Variants in SLC13A3 observed in about 807,000 individuals in gnomAD.
SLC13A3 encodes solute carrier family 13 member 3.
A neutral mutation model predicts 59.0 loss-of-function variants in SLC13A3; 40 were observed. The observed-to-expected ratio is 0.68, with a 90% CI of 0.53 to 0.88. The LOEUF is 0.88. Among genes scored for constraint, SLC13A3 ranks in the 40% least tolerant of loss-of-function variants. The pLI is 0.00. For missense variants in SLC13A3, 699 were observed against 783.2 expected, an observed-to-expected ratio of 0.89 and a Z score of 1.28; for synonymous variants, 317 against 330.3, an observed-to-expected ratio of 0.96 and a Z score of 0.44.
At chr20:46,657,786 AACCAGGAGCAGGCAG>A in intron 1 of SLC13A3, among the ~76,000 whole-genome samples, 1 of 152,248 alleles carries the variant, frequency 6.6e-6, no homozygotes, top group South Asian at 2.1e-4. Context: ...GCAGAAGGCG[AACCAGGAGCAGGCAG>A]GTCACATGTC....
At chr20:46,655,778 T>C (rs13037923), upstream of SLC13A3, among the ~76,000 whole-genome samples, 53,770 of 142,850 alleles carry the variant, frequency 0.38, 12,593 homozygotes, top group Non-Finnish European at 0.54. Flanking sequence ...AAATAGTATA[T>C]ATATGCCTTC....
chr20:46,610,421 C>A, intron 3 of SLC13A3, 25 bp downstream of exon 3: 1 of 1,592,696 alleles, frequency 6.3e-7, no homozygotes, highest in South Asian at 1.2e-5. Context: ...GTGGATTTGG[C>A]CCCAATCCCT....
chr20:46,566,385 C>T lies in SLC13A3; in HGVS notation c.1338G>A (p.Ser446=), dbSNP rs761836100. 32 of 1,611,894 alleles carry T rather than the reference C, an allele frequency of 2.0e-5. No homozygotes were observed. Among genetic ancestry groups the T allele is most frequent in the Middle Eastern group, 3.3e-4 (2 of 6,060 alleles). ...GFAMAKGCEE[S]GLSVWIGGQL... ...GCCCACCAATCCATACAGACAGCCC[C>T]GATTCCTGCGGAGGGAAAGGCATTC... is the stretch of plus-strand genomic sequence containing the variant. The change falls in exon 11 of 13, where the codon TCG becomes TCA. Residue 446 remains serine (S), a synonymous_variant. Transcript: ENST00000279027.
At chr20:46,658,947 C>T (rs1393907336) in intron 1 of SLC13A3, among the ~76,000 whole-genome samples, 1 of 152,140 alleles carries the variant, frequency 6.6e-6, no homozygotes, top group Non-Finnish European at 1.5e-5. Flanking sequence ...GTGTTGAAGT[C>T]CACTTTATCT....
rs574085349 is a variant in SLC13A3 at position 46,574,091 on chromosome 20, G to A, written c.1332+1482C>T. ...TAGGCGAGCTATTTAGCCTCCTTTT[G>A]CCTCCGATTCCTCATCTTTAAAATG... On this transcript the variant is annotated intron_variant, in intron 10 of 12. Transcript: ENST00000279027. Among the ~76,000 whole-genome samples the A allele has an allele frequency of 3.9e-5, 6 of 152,206 alleles. No homozygotes were observed. In the East Asian group the frequency reaches 1.2e-3, roughly 29 times the overall value.
chr20:46,645,235 T>A (rs2062882877), intron 1 of SLC13A3, among the ~76,000 whole-genome samples: 1 of 152,224 alleles, frequency 6.6e-6, no homozygotes, highest in Non-Finnish European at 1.5e-5. Flanking sequence ...GTGGATTACA[T>A]CAGGTCCACC....
intron 11 of SLC13A3, 134 bp from the exon 12 acceptor site, chr20:46,563,685 A>C: frequency 3.1e-6 from 3 of 971,510 alleles, no homozygotes; most frequent in Non-Finnish European, 4.5e-6. Context: ...AAAGACATCC[A>C]TAGAGATTGG....
upstream of SLC13A3, among the ~76,000 whole-genome samples, chr20:46,674,611 G>C (rs932639346): frequency 2.8e-5 from 4 of 144,064 alleles, no homozygotes; most frequent in African/African-American, 1.1e-4. Context: ...GCGCGTGTGT[G>C]TGTGTGTGTG....
At chr20:46,677,646 C>A (rs1416191885) in intron 1 of SLC13A3, among the ~76,000 whole-genome samples, 1 of 152,138 alleles carries the variant, frequency 6.6e-6, no homozygotes, top group Non-Finnish European at 1.5e-5. Context: ...GCCCGTGAGG[C>A]CCTGGGGAAG....
intron 1 of SLC13A3, chr20:46,681,668 A>C (rs896465021): frequency 6.6e-6 from 1 of 152,218 alleles, no homozygotes; most frequent in African/African-American, 2.4e-5. Flanking sequence ...AGAATACTTA[A>C]AACTGGGTAA....
At chr20:46,615,242 G>T (rs1180933550) in intron 1 of SLC13A3, among the ~76,000 whole-genome samples, 1 of 152,072 alleles carries the variant, frequency 6.6e-6, no homozygotes, top group African/African-American at 2.4e-5. Flanking sequence ...CTTGGATTTG[G>T]TCCTGTCTGG....
rs1046233868 is a variant in SLC13A3 at position 46,559,745 on chromosome 20, T to C, written c.*277A>G. 1.1e-5 allele frequency: 4 copies of C among 378,816 alleles called. No homozygotes were observed. The highest frequency in any genetic ancestry group is 6.1e-5 in the African/African-American group (3 of 49,482). 23.5% of individuals were successfully genotyped at this position (378,816 alleles called of 1,614,324 possible). On this transcript the variant is annotated 3_prime_UTR_variant, in exon 13 of 13. Transcript: ENST00000279027. Reference sequence around the variant, plus strand: ...TTGCTCACTGTTGATGACACTGGGCTGTCTTGTATCCTAATGATAAAACAG... The same window carrying C: ...TTGCTCACTGTTGATGACACTGGGCCGTCTTGTATCCTAATGATAAAACAG...
At chr20:46,649,125 G>A (rs775300923) in intron 1 of SLC13A3, among the ~76,000 whole-genome samples, 1 of 152,122 alleles carries the variant, frequency 6.6e-6, no homozygotes, top group Non-Finnish European at 1.5e-5. Context: ...GGACAAGCCT[G>A]ACAAGCTCCT....
intron 9 of SLC13A3, among the ~76,000 whole-genome samples, chr20:46,578,226 G>A (rs554037749): frequency 1.4e-4 from 21 of 150,992 alleles, no homozygotes; most frequent in Admixed American, 4.0e-4. Context: ...CACCACGCCC[G>A]GTCAGTCCTT....
chr20:46,579,852 C>T (rs977477944), intron 9 of SLC13A3, among the ~76,000 whole-genome samples: 1 of 152,214 alleles, frequency 6.6e-6, no homozygotes, highest in Non-Finnish European at 1.5e-5. Flanking sequence ...TTCTGTTCTC[C>T]TGCATGGGCA....
At chr20:46,657,784 C>T (rs750296931) in intron 1 of SLC13A3, among the ~76,000 whole-genome samples, 25 of 152,096 alleles carry the variant, frequency 1.6e-4, no homozygotes, top group Non-Finnish European at 1.2e-4. Flanking sequence ...TGGCAGAAGG[C>T]GAACCAGGAG....
At chr20:46,635,384 C>T (rs2062785689) in intron 1 of SLC13A3, among the ~76,000 whole-genome samples, 1 of 152,170 alleles carries the variant, frequency 6.6e-6, no homozygotes, top group Admixed American at 6.5e-5. Flanking sequence ...CAGCCGCGTC[C>T]ATGCAAAGTG....
intron 5 of SLC13A3, among the ~76,000 whole-genome samples, chr20:46,595,333 CT>C (rs1018806808): frequency 1.3e-5 from 2 of 151,962 alleles, no homozygotes; most frequent in East Asian, 1.9e-4. Flanking sequence ...CTTTTCTTTT[CT>C]TTTTTTTAGA....
At chr20:46,586,282 C>T (rs13039165) in intron 8 of SLC13A3, among the ~76,000 whole-genome samples, 14,308 of 152,152 alleles carry the variant, frequency 0.094, 830 homozygotes, top group Non-Finnish European at 0.12. Context: ...TGACACAGTG[C>T]CCACTCACGC....
Sources: gnomAD v4.1 joint callset for allele counts (sites outside exome capture counted in the v4.1 genomes callset) on GRCh38, gnomAD v4.1.1 for gene constraint, MANE v1.5 for transcripts, NCBI Gene and HGNC (gene_info 2026-07-23, HGNC 2026-07-21) for gene names.